Variants in NOD1 observed in about 807,000 individuals in gnomAD.
The protein encoded by NOD1 is nucleotide binding oligomerization domain containing 1.
Under a neutral mutation model 81.2 loss-of-function variants are expected in NOD1, and 70 were observed. The observed-to-expected ratio is 0.86, with a 90% CI of 0.71 to 1.05. The LOEUF (loss-of-function observed/expected upper bound fraction) is 1.05, where lower values mean the gene tolerates loss of function less well. Among genes scored for constraint, NOD1 ranks in the 50% least tolerant of loss-of-function variants. The pLI is 0.00. For missense variants in NOD1, 1,233 were observed against 1,228.0 expected (o/e 1.00, Z -0.06); for synonymous variants, 508 against 526.9 (o/e 0.96, Z 0.49).
intron 1 of NOD1, among the ~76,000 whole-genome samples, chr7:30,470,465 C>T (rs748580155): frequency 6.6e-6 from 1 of 152,188 alleles, no homozygotes; most frequent in African/African-American, 2.4e-5. Context: ...GGGTGCACTG[C>T]GTATAGCAGG....
intron 1 of NOD1, among the ~76,000 whole-genome samples, chr7:30,476,569 C>T (rs1034053343): frequency 1.3e-5 from 2 of 152,186 alleles, no homozygotes; most frequent in African/African-American, 4.8e-5. Flanking sequence ...GAGCAACGTG[C>T]GTGTGTGTGC....
intron 11 of NOD1, among the ~76,000 whole-genome samples, chr7:30,433,628 C>T (rs1048349953): frequency 2.0e-5 from 3 of 152,158 alleles, no homozygotes; most frequent in Non-Finnish European, 2.9e-5. Flanking sequence ...GTACTTTGCT[C>T]TCAGTTAACT....
intron 3 of NOD1, among the ~76,000 whole-genome samples, chr7:30,458,186 AC>A: frequency 6.6e-6 from 1 of 152,054 alleles, no homozygotes; most frequent in Non-Finnish European, 1.5e-5. Flanking sequence ...TGCACTCACT[AC>A]CTTCCTTGTA....
At chr7:30,477,019 T>C (rs1039571955) in intron 1 of NOD1, among the ~76,000 whole-genome samples, 2 of 152,222 alleles carry the variant, frequency 1.3e-5, no homozygotes, top group African/African-American at 4.8e-5. Flanking sequence ...CTCGCTGAAC[T>C]ATGCTAGCCT....
At chr7:30,435,719 G>C (rs983788840) in intron 11 of NOD1, among the ~76,000 whole-genome samples, 2 of 152,196 alleles carry the variant, frequency 1.3e-5, no homozygotes, top group African/African-American at 2.4e-5. Flanking sequence ...AGGGCTTTGA[G>C]AAGCCAGGGC....
At chr7:30,477,720 A>C (rs1166599806) in intron 1 of NOD1, among the ~76,000 whole-genome samples, 1 of 143,766 alleles carries the variant, frequency 7.0e-6, no homozygotes, top group African/African-American at 2.6e-5. Context: ...CGGTTTCACC[A>C]TGTTGGGCCA....
intron 7 of NOD1, 66 bp downstream of exon 7, chr7:30,448,232 T>C: frequency 7.6e-7 from 1 of 1,307,450 alleles, no homozygotes; most frequent in African/African-American, 1.4e-5. Flanking sequence ...CCTATGGGAA[T>C]GTGAATTCCC....
intron 6 of NOD1, among the ~76,000 whole-genome samples, chr7:30,450,494 A>T (rs540422300): frequency 6.6e-6 from 1 of 152,308 alleles, no homozygotes; most frequent in African/African-American, 2.4e-5. Flanking sequence ...TACATAGGAA[A>T]TGCTAATAGA....
intron 1 of NOD1, among the ~76,000 whole-genome samples, chr7:30,461,443 G>A (rs1658729415): frequency 6.6e-6 from 1 of 152,182 alleles, no homozygotes; most frequent in South Asian, 2.1e-4. Flanking sequence ...CTCCCAAAGT[G>A]CTGGGATTAC....
chr7:30,453,074 G>A lies in NOD1; in HGVS notation c.377-34C>T, dbSNP rs547259361. The A allele has an allele frequency of 7.6e-6, 12 of 1,569,628 alleles. No individual in the cohort carries two copies. In the African/African-American group the frequency reaches 1.1e-4, roughly 14 times the overall value. On this transcript the variant is annotated intron_variant, in intron 5 of 13. Transcript: ENST00000222823. ...AGGGGGTGGCAGGGCACAGCAGCAG[G>A]GTGAGGAGAGAGGCAGAAACAGCAT...
rs918304935 is a variant in NOD1, at chr7:30,451,108, G to A, written c.2201+108C>T. On this transcript the variant is annotated intron_variant, in intron 6 of 13. Transcript: ENST00000222823. This position sits in a 1 kb window ranked among gnomAD's most constrained non-coding sequence, Gnocchi z 4.2. ...AAGAAAAGGTCTGGACATTCCAAGG[G>A]CCATGGTCATGAGTCCTGGGGGATC... 4.9e-5 allele frequency: 62 copies of A among 1,275,714 alleles called. No homozygotes were observed. Among genetic ancestry groups the A allele is most frequent in the Middle Eastern group, 5.2e-4 (2 of 3,828 alleles). The allele number at this position is 1,275,714 out of a possible 1,614,324, so 79.0% of individuals were successfully genotyped here. A position where few individuals can be genotyped will look rare whatever the true frequency, so the allele number is the denominator to read the frequency against.
Position 30,452,109 on chromosome 7 carries a change from C to G in NOD1, c.1308G>C (p.Met436Ile). The change falls in exon 6 of 14, where the codon ATG becomes ATC. Residue 436 changes from methionine to isoleucine, a missense_variant. Coordinates refer to ENST00000222823, the MANE Select transcript of NOD1 (RefSeq NM_006092.4). ...LLVTEVHLNR[M>I]QPSSLVQRNT... ...TCCGCTGCACCAGGCTGCTGGGCTG[C>G]ATCCTGTTCAGATGGACCTCAGTGA... 1.2e-6 allele frequency: 2 copies of G among 1,613,920 alleles called. No individual in the cohort carries two copies. The highest frequency in any genetic ancestry group is 1.7e-6 in the Non-Finnish European group (2 of 1,180,034).
chr7:30,438,451 G>A (rs947499582), intron 9 of NOD1, among the ~76,000 whole-genome samples: 2 of 152,226 alleles, frequency 1.3e-5, no homozygotes, highest in East Asian at 1.9e-4. Context: ...TGAGTTAACA[G>A]AAGCAAAGCA....
rs6959175 is a variant in NOD1, at chr7:30,466,829, C to G, written c.-351-6788G>C. 7.9e-3 allele frequency among the ~76,000 whole-genome samples: 1,201 copies of G among 152,296 alleles called. 16 individuals carry two copies. The highest frequency in any genetic ancestry group is 0.026 in the African/African-American group (1,097 of 41,552). On this transcript the variant is annotated intron_variant, in intron 1 of 13. Transcript: ENST00000222823. ...AACACCATTCCCTGTCTACCTCAGA[C>G]TCAGCAGTAATCTATATAGGGAGAT... is the stretch of plus-strand genomic sequence containing the variant.
In NOD1 at chr7:30,447,317, GT is replaced by G; in HGVS notation, c.2286-268del. 1.2e-5 allele frequency: 6 copies of G among 497,660 alleles called. No individual in the cohort carries two copies. The South Asian group carries it at 1.2e-4, about 10-fold the overall frequency. The allele number at this position is 497,660 out of a possible 1,614,324, so 30.8% of individuals were successfully genotyped here. A position where few individuals can be genotyped will look rare whatever the true frequency, so the allele number is the denominator to read the frequency against. On this transcript the variant is annotated intron_variant, in intron 7 of 13. Transcript: ENST00000222823. ...CTGTAATACAGAGGTAATGATGATAGTCCCCTTGCAGGGTGGTTATGAGGAT... is the reference window on the plus strand; with the variant it reads ...CTGTAATACAGAGGTAATGATGATAGCCCCTTGCAGGGTGGTTATGAGGAT...
intron 11 of NOD1, chr7:30,433,389 G>A: frequency 3.6e-6 from 2 of 552,590 alleles, no homozygotes; most frequent in African/African-American, 1.9e-5. Context: ...CCTGTACCTG[G>A]GCTCCTATTT....
chr7:30,437,716 T>A (rs1784505745), intron 9 of NOD1, 60 bp from the exon 10 acceptor site: 4 of 1,277,760 alleles, frequency 3.1e-6, no homozygotes, highest in Non-Finnish European at 4.2e-6. Context: ...TGCTCACCCC[T>A]CCTTTTTTGC....
In NOD1 at chr7:30,433,140, ACT is replaced by A. The variant is rs758965030; in HGVS notation, c.2659_2660del (p.Ser887PhefsTer24). 20 of 1,614,000 alleles carry A rather than the reference ACT, an allele frequency of 1.2e-5. 1 individual carries two copies. Among genetic ancestry groups the A allele is most frequent in the Non-Finnish European group, 1.5e-5 (18 of 1,179,990 alleles). ...GGTTGACTTTCAACATTTCTGCCAA[ACT>A]CTCTGCCACTTCATCGTTGAGTTCA... is the stretch of plus-strand genomic sequence containing the variant. ...QNELNDEVAESLAEMLKVNQT... is the reference protein window; with the variant it reads ...QNELNDEVAEXLAEMLKVNQT... On this transcript the variant is annotated frameshift_variant, in exon 12 of 14. Transcript: ENST00000222823. LOFTEE classifies it high-confidence loss of function.
chr7:30,431,458 A>T (rs1453616101), intron 12 of NOD1, among the ~76,000 whole-genome samples: 1 of 152,246 alleles, frequency 6.6e-6, no homozygotes, highest in African/African-American at 2.4e-5. Context: ...ATATAAATCA[A>T]TGGACCAGAA....
Sources: allele counts gnomAD v4.1 joint callset (sites outside exome capture counted in the v4.1 genomes callset), GRCh38; gene constraint gnomAD v4.1.1; non-coding constraint Gnocchi (gnomAD v3.1); transcripts MANE v1.5; gene names NCBI Gene and HGNC (gene_info 2026-07-23, HGNC 2026-07-21).